The following UTRN variants were observed in gnomAD, a reference collection of about 807,000 sequenced individuals.
UTRN encodes utrophin, also known as dystrophin-related protein 1.
UTRN carries 283 observed loss-of-function variants against 463.9 expected under a neutral mutation model. That is an observed-to-expected ratio of 0.61 (90% CI 0.55 to 0.67). The LOEUF is 0.67. Ranked by LOEUF, UTRN falls within the 30% of genes least tolerant of loss-of-function variation. The probability of loss-of-function intolerance (pLI) is 0.00; values close to 1 mark genes in which losing one functional copy is unlikely to be tolerated. For missense variants in UTRN, 3,922 were observed against 4,084.3 expected (o/e 0.96, Z 1.08); for synonymous variants, 1,442 against 1,431.5 (o/e 1.01, Z -0.17).
At chr6:144,516,622 C>A (rs74777590) in intron 38 of UTRN, among the ~76,000 whole-genome samples, 189 bp from the exon 39 acceptor site, 1 of 151,446 alleles carries the variant, frequency 6.6e-6, no homozygotes, top group African/African-American at 2.4e-5. Context: ...TTGCTAAACT[C>A]TCTTTGAGAC....
intron 45 of UTRN, among the ~76,000 whole-genome samples, chr6:144,542,592 G>T (rs898290010): frequency 2.6e-5 from 4 of 152,166 alleles, no homozygotes; most frequent in African/African-American, 9.7e-5. Context: ...GCTAAGGACT[G>T]GTTGGTGTTT....
intron 50 of UTRN, among the ~76,000 whole-genome samples, chr6:144,566,423 T>A (rs1016950646): frequency 6.6e-6 from 1 of 152,148 alleles, no homozygotes. Flanking sequence ...AGCATTCATC[T>A]ACTCAATGAG....
intron 2 of UTRN, among the ~76,000 whole-genome samples, chr6:144,298,913 A>G (rs1250021741): frequency 8.5e-5 from 13 of 152,166 alleles, no homozygotes; most frequent in Admixed American, 7.9e-4. Flanking sequence ...CTTTAATTTC[A>G]TAGTCTTAAT....
intron 10 of UTRN, among the ~76,000 whole-genome samples, chr6:144,436,764 T>G (rs1786574001): frequency 6.9e-6 from 1 of 144,364 alleles, no homozygotes; most frequent in Non-Finnish European, 1.5e-5. Context: ...TATATATATA[T>G]TTATATATAT....
chr6:144,393,529 T>C (rs749502873), intron 2 of UTRN, among the ~76,000 whole-genome samples: 2 of 151,976 alleles, frequency 1.3e-5, no homozygotes, highest in African/African-American at 2.4e-5. Context: ...AGAAGAGAAA[T>C]GGTAGAAAGA....
At chr6:144,598,627 A>C (rs1166555149) in intron 51 of UTRN, among the ~76,000 whole-genome samples, 4 of 152,210 alleles carry the variant, frequency 2.6e-5, no homozygotes, top group Non-Finnish European at 5.9e-5. Context: ...AAAATATGTC[A>C]AAGAAATATA....
intron 31 of UTRN, 59 bp from the exon 32 acceptor site, chr6:144,490,870 T>A: frequency 1.3e-6 from 2 of 1,505,108 alleles, no homozygotes; most frequent in Non-Finnish European, 1.8e-6. Context: ...TCTGTTATGC[T>A]CATGATGAGA....
At chr6:144,756,721 G>A (rs1271245967) in intron 57 of UTRN, among the ~76,000 whole-genome samples, 2 of 152,030 alleles carry the variant, frequency 1.3e-5, no homozygotes, top group Non-Finnish European at 2.9e-5. Flanking sequence ...TTATACTTTG[G>A]TGGGCATAGA....
rs1562832541 is a variant in UTRN, at chr6:144,732,245, TATATATATATATAC to T, written c.7939+1761_7939+1774del. 9.1e-4 allele frequency among the ~76,000 whole-genome samples: 99 copies of T among 108,380 alleles called. 2 individuals are homozygous for T. Among genetic ancestry groups the T allele is most frequent in the African/African-American group, 5.1e-3 (93 of 18,364 alleles). The allele number at this position is 108,380 out of a possible 152,430, so 71.1% of individuals were successfully genotyped here. ...ATATATATATATATATATACATATA[TATATATATATATAC>T]ACACATATATATATATATACACACA... On this transcript the variant is annotated intron_variant, in intron 54 of 74. Coordinates refer to ENST00000367545, the MANE Select transcript of UTRN (RefSeq NM_007124.3).
chr6:144,639,049 A>G (rs1303460028), intron 51 of UTRN, among the ~76,000 whole-genome samples: 1 of 152,136 alleles, frequency 6.6e-6, no homozygotes, highest in Non-Finnish European at 1.5e-5. Flanking sequence ...AGCCTAAGGG[A>G]CAGAATGAGA....
intron 34 of UTRN, among the ~76,000 whole-genome samples, chr6:144,502,307 C>T (rs887702802): frequency 6.6e-6 from 1 of 151,386 alleles, no homozygotes; most frequent in Non-Finnish European, 1.5e-5. Flanking sequence ...ATGTGCGGAA[C>T]GTGCAGGTTT....
At chr6:144,732,992 C>T (rs536716582) in intron 54 of UTRN, among the ~76,000 whole-genome samples, 12 of 152,192 alleles carry the variant, frequency 7.9e-5, no homozygotes, top group African/African-American at 2.2e-4. Context: ...CATGAGCCAC[C>T]GTGCCCAGCC....
intron 65 of UTRN, among the ~76,000 whole-genome samples, chr6:144,805,980 A>G (rs908867413): frequency 2.0e-5 from 3 of 152,206 alleles, no homozygotes; most frequent in Non-Finnish European, 2.9e-5. Context: ...GGAAAATATC[A>G]TAGTAATATT....
chr6:144,294,364 G>A (rs1214040452), intron 2 of UTRN, among the ~76,000 whole-genome samples: 1 of 152,028 alleles, frequency 6.6e-6, no homozygotes, highest in Non-Finnish European at 1.5e-5. Flanking sequence ...ATTCTTTTAA[G>A]GCAAATGCTT....
intron 2 of UTRN, among the ~76,000 whole-genome samples, chr6:144,394,534 A>G (rs1205375255): frequency 6.6e-6 from 1 of 152,194 alleles, no homozygotes; most frequent in Non-Finnish European, 1.5e-5. Context: ...CAGACAAACC[A>G]TATCAATATG....
chr6:144,830,729 G>GTTTTTT (rs78932581), intron 69 of UTRN, among the ~76,000 whole-genome samples: 1 of 140,814 alleles, frequency 7.1e-6, no homozygotes, highest in Non-Finnish European at 1.6e-5. Context: ...TTTGTTTTTT[G>GTTTTTT]TTTTTTTTTT....
At chr6:144,487,520 T>C (rs781765542) in intron 28 of UTRN, 28 bp from the exon 29 acceptor site, 2 of 1,572,236 alleles carry the variant, frequency 1.3e-6, no homozygotes, top group Non-Finnish European at 1.7e-6. Context: ...AAATGCATTA[T>C]TATTTTTTTT....
chr6:144,342,274 G>T (rs1448960156), intron 2 of UTRN, among the ~76,000 whole-genome samples: 1 of 151,634 alleles, frequency 6.6e-6, no homozygotes, highest in African/African-American at 2.4e-5. Context: ...AAGCTGTCTG[G>T]CAGTTCTTCC....
At chr6:144,587,849 C>T (rs957991850) in intron 51 of UTRN, among the ~76,000 whole-genome samples, 3 of 152,276 alleles carry the variant, frequency 2.0e-5, no homozygotes, top group African/African-American at 2.4e-5. Flanking sequence ...AACCATGGAG[C>T]TCAGAGTCAT....
Sources: gnomAD v4.1 joint callset for allele counts (sites outside exome capture counted in the v4.1 genomes callset) on GRCh38, gnomAD v4.1.1 for gene constraint, MANE v1.5 for transcripts, NCBI Gene and HGNC (gene_info 2026-07-23, HGNC 2026-07-21) for gene names.